BBX: variants seen among roughly 807,000 people sequenced by gnomAD.
BBX encodes the protein HMG box transcription factor BBX.
BBX carries 30 observed loss-of-function variants against 100.2 expected under a neutral mutation model. That is an observed-to-expected ratio of 0.30 (90% CI 0.22 to 0.41). The LOEUF (loss-of-function observed/expected upper bound fraction) is 0.41. Among genes scored for constraint, BBX ranks in the 10% least tolerant of loss-of-function variants. BBX has a pLI of 1.00. For missense variants in BBX, 1,023 were observed against 1,129.8 expected (o/e 0.91, Z 1.35); for synonymous variants, 376 against 388.1 (o/e 0.97, Z 0.37).
chr3:107,750,285 G>A (rs938517502), intron 9 of BBX, among the ~76,000 whole-genome samples: 3 of 152,110 alleles, frequency 2.0e-5, no homozygotes, highest in African/African-American at 7.2e-5. Context: ...GTATATGCAG[G>A]ATTTGAGGAG....
intron 14 of BBX, among the ~76,000 whole-genome samples, chr3:107,790,355 G>A (rs897984720): frequency 6.6e-6 from 1 of 152,030 alleles, no homozygotes; most frequent in Non-Finnish European, 1.5e-5. Flanking sequence ...CCACTCTTAA[G>A]TTGTAACCTG....
Position 107,744,642 on chromosome 3 carries a change from A to G in BBX, c.682A>G (p.Thr228Ala), listed in dbSNP as rs560335528. Residue 228 changes from threonine (T) to alanine (A), a missense_variant, in exon 8 of 18, where the codon ACA (threonine) becomes GCA (alanine). Transcript: ENST00000325805. ...TTCTTTGTTTCAGGTATCCTCTGGC[A>G]CATGCAGGCCTGATGTTTCAGAATC... ...ALGTPEVSSG[T>A]CRPDVSESPE... The G allele has an allele frequency of 2.5e-6, 4 of 1,613,048 alleles. No homozygotes were observed. Among genetic ancestry groups the G allele is most frequent in the South Asian group, 2.2e-5 (2 of 91,034 alleles).
chr3:107,619,536 AT>A (rs57205369), intron 2 of BBX, among the ~76,000 whole-genome samples: 271 of 147,846 alleles, frequency 1.8e-3, no homozygotes, highest in African/African-American at 5.0e-3. Context: ...TTTGTTTACC[AT>A]TTTTTTTTTG....
chr3:107,749,021 T>C (rs991394228), intron 9 of BBX, among the ~76,000 whole-genome samples: 1 of 152,260 alleles, frequency 6.6e-6, no homozygotes, highest in East Asian at 1.9e-4. Context: ...CTGTTTCCTC[T>C]TGGGACAACT....
chr3:107,630,189 A>G lies in BBX; in HGVS notation c.-83-15647A>G, dbSNP rs571131455. On this transcript the variant is annotated intron_variant, in intron 2 of 17. Coordinates refer to ENST00000325805, the MANE Select transcript of BBX (RefSeq NM_001142568.3). ...GAGACCAATGTTCAGGATTATTCTG[A>G]TTTAATTGGTTTAGGGGAGAGAATG... 4.9e-4 allele frequency among the ~76,000 whole-genome samples: 75 copies of G among 152,194 alleles called. 1 individual carries two copies. In the Middle Eastern group the frequency reaches 0.01, roughly 21 times the overall value.
intron 2 of BBX, among the ~76,000 whole-genome samples, chr3:107,622,313 A>T (rs899802091): frequency 2.0e-5 from 3 of 152,210 alleles, no homozygotes; most frequent in African/African-American, 7.2e-5. Flanking sequence ...GTTATATGTA[A>T]CTATATATAT....
intron 5 of BBX, among the ~76,000 whole-genome samples, chr3:107,720,945 C>G (rs947028656): frequency 2.0e-5 from 3 of 151,950 alleles, no homozygotes; most frequent in Admixed American, 2.0e-4. Flanking sequence ...ATCTGGAGAA[C>G]TTTTCTTAAC....
intron 3 of BBX, among the ~76,000 whole-genome samples, chr3:107,650,107 A>C (rs147108202): frequency 3.8e-4 from 58 of 152,256 alleles, no homozygotes; most frequent in African/African-American, 1.3e-3. Flanking sequence ...TGCTGTTCCC[A>C]GTGTGAAGGT....
chr3:107,614,835 G>A lies in BBX; in HGVS notation c.-83-31001G>A, dbSNP rs572160684. On this transcript the variant is annotated intron_variant, in intron 2 of 17. Transcript: ENST00000325805. ...GTAGATTGGTCTGGGAGTGGTAGGA[G>A]GAAAGTGCAAAGGCCCTGCAGGGAG... is the stretch of plus-strand genomic sequence containing the variant. Among the ~76,000 whole-genome samples the A allele has an allele frequency of 8.5e-5, 13 of 152,294 alleles. No individual in the cohort carries two copies. The South Asian group carries it at 2.7e-3, about 32-fold the overall frequency.
At chr3:107,787,386 T>C (rs2107904592) in intron 13 of BBX, among the ~76,000 whole-genome samples, 1 of 152,286 alleles carries the variant, frequency 6.6e-6, no homozygotes, top group Admixed American at 6.5e-5. Context: ...GAAAACATTA[T>C]GCTAAGTCAA....
intron 12 of BBX, 22 bp downstream of exon 12, chr3:107,774,879 C>A: frequency 6.2e-7 from 1 of 1,610,334 alleles, no homozygotes; most frequent in South Asian, 1.1e-5. Context: ...TGAGCACAGT[C>A]ACCTGTACTC....
chr3:107,524,392 C>T (rs1429702841), intron 1 of BBX: 1 of 152,072 alleles, frequency 6.6e-6, no homozygotes, highest in African/African-American at 2.4e-5. Context: ...CACCTCGTCT[C>T]GCTCACTCAC....
chr3:107,651,497 A>G (rs971945032), intron 3 of BBX, among the ~76,000 whole-genome samples: 1 of 152,244 alleles, frequency 6.6e-6, no homozygotes, highest in African/African-American at 2.4e-5. Context: ...TAGGAATACT[A>G]GAAATGTATT....
chr3:107,607,170 C>T (rs1163372160), intron 2 of BBX, among the ~76,000 whole-genome samples: 2 of 152,110 alleles, frequency 1.3e-5, no homozygotes, highest in Non-Finnish European at 2.9e-5. Flanking sequence ...TGTGTCGGCT[C>T]ACTGCAACCT....
chr3:107,656,777 T>A (rs1419234685), intron 3 of BBX, among the ~76,000 whole-genome samples: 19 of 152,210 alleles, frequency 1.2e-4, no homozygotes, highest in Admixed American at 1.2e-3. Flanking sequence ...CGTTACACAC[T>A]GTCAAGATCA....
chr3:107,800,189 T>TGAG (rs2070283532), intron 16 of BBX, among the ~76,000 whole-genome samples: 1 of 152,328 alleles, frequency 6.6e-6, no homozygotes, highest in Admixed American at 6.5e-5. Context: ...AGAAGTAGAA[T>TGAG]GAGGACTAAC....
intron 2 of BBX, among the ~76,000 whole-genome samples, chr3:107,615,651 C>G (rs2055197591): frequency 6.6e-6 from 1 of 152,068 alleles, no homozygotes; most frequent in African/African-American, 2.4e-5. Context: ...CAGACCATAG[C>G]AAGTGACAAC....
At chr3:107,707,693 G>T (rs1175109999) in intron 3 of BBX, among the ~76,000 whole-genome samples, 1 of 152,150 alleles carries the variant, frequency 6.6e-6, no homozygotes. Flanking sequence ...TACGTGGGAA[G>T]AATTAGAAAT....
intron 1 of BBX, 123 bp from the exon 2 acceptor site, chr3:107,526,204 G>T (rs9876650): frequency 0.13 from 53,147 of 396,748 alleles, 4,310 homozygotes; most frequent in Non-Finnish European, 0.18. Flanking sequence ...AAAGGGGAGG[G>T]GTTAGTGGGA....
Sources: allele counts gnomAD v4.1 joint callset (sites outside exome capture counted in the v4.1 genomes callset), GRCh38; gene constraint gnomAD v4.1.1; transcripts MANE v1.5; gene names NCBI Gene and HGNC (gene_info 2026-07-23, HGNC 2026-07-21).